Variants in ETV7 observed in about 807,000 individuals in gnomAD.
ETV7 encodes ETS variant transcription factor 7.
Under a neutral mutation model 39.1 loss-of-function variants are expected in ETV7, and 43 were observed. The observed-to-expected ratio is 1.10, with a 90% CI of 0.86 to 1.42. The LOEUF (loss-of-function observed/expected upper bound fraction) is 1.42, where lower values mean the gene tolerates loss of function less well. ETV7 is among the 40% of genes most tolerant of loss of function. The probability of loss-of-function intolerance (pLI) is 0.00; values close to 1 mark genes in which losing one functional copy is unlikely to be tolerated. For missense variants in ETV7, 432 were observed against 442.3 expected, an observed-to-expected ratio of 0.98 and a Z score of 0.21; for synonymous variants, 196 against 176.6, an observed-to-expected ratio of 1.11 and a Z score of -0.87.
chr6:36,371,831 G>A (rs764187836), intron 4 of ETV7, among the ~76,000 whole-genome samples: 7 of 152,250 alleles, frequency 4.6e-5, no homozygotes, highest in Non-Finnish European at 7.3e-5. Context: ...CAGTGACAGA[G>A]CCAGGTCTAG....
At chr6:36,355,354 T>G (rs956096745) in intron 7 of ETV7, among the ~76,000 whole-genome samples, 1 of 152,202 alleles carries the variant, frequency 6.6e-6, no homozygotes, top group Non-Finnish European at 1.5e-5. Flanking sequence ...GGTTTTGTCT[T>G]TCATTTTATT....
At position 36,366,919 on chromosome 6, in the gene ETV7, C is replaced by G. The variant is rs150386665; in HGVS notation, c.864G>C (p.Lys288Asn). 3.7e-6 allele frequency: 6 copies of G among 1,614,038 alleles called. No individual in the cohort carries two copies. The East Asian group carries it at 1.3e-4, about 36-fold the overall frequency. Reference sequence around the variant, plus strand: ...CCGGTTCCTTCTTAATGATATTAAGCTTATAATAGTGGCGCAGGGCACGAG... The same window carrying G: ...CCGGTTCCTTCTTAATGATATTAAGGTTATAATAGTGGCGCAGGGCACGAG... Reference protein sequence around the residue: ...KMSRALRHYYKLNIIKKEPGQ... With the variant: ...KMSRALRHYYNLNIIKKEPGQ... Residue 288 changes from lysine to asparagine, a missense_variant, in exon 7 of 8, where the codon AAG becomes AAC. Lys to Asn is a moderately conservative substitution (Grantham distance 94, BLOSUM62 0). Transcript: ENST00000340181.
At chr6:36,360,890 A>T (rs1000759644) in intron 7 of ETV7, among the ~76,000 whole-genome samples, 15 of 152,170 alleles carry the variant, frequency 9.9e-5, no homozygotes, top group African/African-American at 3.6e-4. Flanking sequence ...GGTGCCTCTC[A>T]AGCCGAATTC....
chr6:36,387,101 C>T (rs973223484), intron 1 of ETV7, among the ~76,000 whole-genome samples: 1 of 151,912 alleles, frequency 6.6e-6, no homozygotes, highest in African/African-American at 2.4e-5. Context: ...GGACGGGGCG[C>T]CAGCTCTGGG....
chr6:36,358,457 A>T (rs77395325), intron 7 of ETV7, among the ~76,000 whole-genome samples: 2,113 of 152,306 alleles, frequency 0.014, 42 homozygotes, highest in South Asian at 0.052. Flanking sequence ...TAATGTTCTT[A>T]TTGCAAATCA....
intron 5 of ETV7, among the ~76,000 whole-genome samples, chr6:36,369,999 T>C (rs947048471): frequency 2.0e-5 from 3 of 152,298 alleles, no homozygotes; most frequent in South Asian, 4.1e-4. Context: ...GAGATCTTGT[T>C]GCATGCATAG....
intron 7 of ETV7, among the ~76,000 whole-genome samples, chr6:36,355,204 T>C (rs1242294014): frequency 6.6e-6 from 1 of 152,192 alleles, no homozygotes; most frequent in Non-Finnish European, 1.5e-5. Context: ...TTAAGTAGGA[T>C]GGTAGCTGTG....
intron 2 of ETV7, among the ~76,000 whole-genome samples, chr6:36,378,433 A>G (rs1773485426): frequency 6.6e-6 from 1 of 152,220 alleles, no homozygotes; most frequent in Non-Finnish European, 1.5e-5. Flanking sequence ...CTCAACCATG[A>G]CAGGAAACGC....
chr6:36,369,021 A>G lies in ETV7; in HGVS notation c.715T>C (p.Tyr239His). The change falls in exon 6 of 8, where the codon TAT (tyrosine) becomes CAT (histidine). Residue 239 changes from tyrosine to histidine, a missense_variant. Coordinates refer to ENST00000340181, the MANE Select transcript of ETV7 (RefSeq NM_016135.4). ...TCTTCCCACTTGATGTAGGGCTCATATCGGGTATCAAGGAGCAGCTGATAC... is the reference window on the plus strand; with the variant it reads ...TCTTCCCACTTGATGTAGGGCTCATGTCGGGTATCAAGGAGCAGCTGATAC... ...YVYQLLLDTRYEPYIKWEDKD... is the reference protein window; with the variant it reads ...YVYQLLLDTRHEPYIKWEDKD... 2 of 1,614,196 alleles carry G rather than the reference A, an allele frequency of 1.2e-6. No homozygotes were observed. Among genetic ancestry groups the G allele is most frequent in the South Asian group, 1.1e-5 (1 of 91,086 alleles).
downstream of ETV7, among the ~76,000 whole-genome samples, chr6:36,363,249 T>A (rs142321104): frequency 6.6e-6 from 1 of 152,170 alleles, no homozygotes; most frequent in African/African-American, 2.4e-5. Context: ...TTCTTTCTGA[T>A]GTTCCGACGT....
At chr6:36,376,094 C>G (rs1265205377) in intron 2 of ETV7, 59 bp from the exon 3 acceptor site, 38 of 1,495,946 alleles carry the variant, frequency 2.5e-5, no homozygotes, top group Non-Finnish European at 9.9e-6. Flanking sequence ...AAGAAGCCCA[C>G]CCTGAACACT....
At position 36,371,520 on chromosome 6, in the gene ETV7, G is replaced by A. The variant is rs1480069255; in HGVS notation, c.474C>T (p.His158=). ...GCCCTGGGTCTGGTGGCTGCAGCAG[G>A]TGGCCCCTTCGGGTGTCCATCTGAG... is the stretch of plus-strand genomic sequence containing the variant. ...GPSQMDTRRG[H]LLQPPDPGLT... The change falls in exon 5 of 8, where the codon CAC becomes CAT. Residue 158 remains histidine, a synonymous_variant. Coordinates refer to ENST00000340181, the MANE Select transcript of ETV7 (RefSeq NM_016135.4). The A allele has an allele frequency of 6.2e-7, 1 of 1,605,214 alleles. No homozygotes were observed. The highest frequency in any genetic ancestry group is 2.2e-5 in the East Asian group (1 of 44,678).
At chr6:36,372,477 G>C (rs114273844) in intron 4 of ETV7, among the ~76,000 whole-genome samples, 1,546 of 152,046 alleles carry the variant, frequency 0.01, 27 homozygotes, top group African/African-American at 0.036. Context: ...ATAGATCATA[G>C]GAGGTCAAGA....
downstream of ETV7, among the ~76,000 whole-genome samples, chr6:36,363,252 TC>T (rs1193465257): frequency 6.6e-6 from 1 of 152,210 alleles, no homozygotes; most frequent in Non-Finnish European, 1.5e-5. Flanking sequence ...TTTCTGATGT[TC>T]CGACGTGTTC....
At chr6:36,385,693 G>A (rs1773865288) in intron 1 of ETV7, 24 bp from the exon 2 acceptor site, 2 of 1,574,706 alleles carry the variant, frequency 1.3e-6, no homozygotes, top group Non-Finnish European at 8.6e-7. Flanking sequence ...AACCAGGACA[G>A]TCAAAGAAGA....
rs754585880 is a variant in ETV7 at position 36,366,675 on chromosome 6, G to A, written c.996C>T (p.Phe332=). 18 of 1,614,006 alleles carry A rather than the reference G, an allele frequency of 1.1e-5. No individual in the cohort carries two copies. Among genetic ancestry groups the A allele is most frequent in the African/African-American group, 1.3e-5 (1 of 74,894 alleles). The stretch of plus-strand genomic sequence containing the variant: ...GAGAGATTTCTGGCCTCTTGTCCTT[G>A]AACTCTATTCTGTCCTGCTCCTGGC... ...LESQEQDRIE[F]KDKRPEISP Residue 332 remains phenylalanine (F), a synonymous_variant, in exon 8 of 8, where the codon TTC becomes TTT. Coordinates refer to ENST00000340181, the MANE Select transcript of ETV7 (RefSeq NM_016135.4).
At chr6:36,384,976 A>G (rs1773822865) in intron 2 of ETV7, among the ~76,000 whole-genome samples, 1 of 152,148 alleles carries the variant, frequency 6.6e-6, no homozygotes, top group Non-Finnish European at 1.5e-5. Flanking sequence ...TAAATTTTTA[A>G]TTGACAAATT....
intron 1 of ETV7, among the ~76,000 whole-genome samples, chr6:36,387,143 G>C (rs571028070): frequency 1.2e-4 from 19 of 152,224 alleles, no homozygotes; most frequent in Non-Finnish European, 2.6e-4. Flanking sequence ...AAACCGGCGA[G>C]TGGGGAGAGG....
chr6:36,373,230 T>C (rs1309871056), intron 4 of ETV7, among the ~76,000 whole-genome samples: 3 of 151,250 alleles, frequency 2.0e-5, no homozygotes. Flanking sequence ...TACAAACAAC[T>C]CTTTGCTGGA....
Sources: gnomAD v4.1 joint callset for allele counts (sites outside exome capture counted in the v4.1 genomes callset) on GRCh38, gnomAD v4.1.1 for gene constraint, MANE v1.5 for transcripts, NCBI Gene and HGNC (gene_info 2026-07-23, HGNC 2026-07-21) for gene names.